Variants in SLC39A12 observed in about 807,000 individuals in gnomAD.
SLC39A12 encodes the protein zinc transporter ZIP12.
Under a neutral mutation model 71.1 loss-of-function variants are expected in SLC39A12, and 63 were observed. The observed-to-expected ratio is 0.89, with a 90% CI of 0.72 to 1.09. The LOEUF (loss-of-function observed/expected upper bound fraction) is 1.09, where lower values mean the gene tolerates loss of function less well. SLC39A12 is among the 50% of genes least tolerant of loss of function. SLC39A12 has a pLI of 0.00. For missense variants in SLC39A12, 892 were observed against 812.6 expected (o/e 1.10, Z -1.19); for synonymous variants, 351 against 301.3 (o/e 1.16, Z -1.71).
rs994604331 is a variant in SLC39A12, at chr10:17,961,427, G to T, written c.262-154G>T. ...CTAGACAGGCATCATTGTTATGCGG[G>T]AGTCCAACTCTCTGAATCTGGCTAT... On this transcript the variant is annotated intron_variant, in intron 2 of 12. Transcript: ENST00000377369. Among the ~76,000 whole-genome samples, 3 of 152,138 alleles carry T rather than the reference G, an allele frequency of 2.0e-5. No individual in the cohort carries two copies. In the East Asian group the frequency reaches 5.8e-4, roughly 29 times the overall value.
Position 17,953,434 on chromosome 10 carries a change from G to T in SLC39A12, c.158G>T (p.Gly53Val). The T allele has an allele frequency of 6.2e-7, 1 of 1,614,134 alleles. No individual in the cohort carries two copies. The highest frequency in any genetic ancestry group is 8.5e-7 in the Non-Finnish European group (1 of 1,180,032). ...PADLLQVLSA[G>V]DHPPHNHSRS... ...GACCTGCTACAGGTTCTCTCTGCTG[G>T]TGACCACCCACCCCACAACCACTCA... The change falls in exon 2 of 13, where the codon GGT becomes GTT. Residue 53 changes from glycine to valine, a missense_variant. Transcript: ENST00000377369.
intron 12 of SLC39A12, among the ~76,000 whole-genome samples, chr10:18,038,064 G>C (rs1027102334): frequency 8.6e-6 from 1 of 116,584 alleles, no homozygotes; most frequent in African/African-American, 3.4e-5. Context: ...ACAGCTAACT[G>C]TATGGCAAGT....
In SLC39A12 at chr10:18,043,112, A is replaced by G. The variant is rs1837305247; in HGVS notation, c.*279A>G. 5.6e-6 allele frequency: 1 copy of G among 179,042 alleles called. No individual in the cohort carries two copies. The highest frequency in any genetic ancestry group is 1.8e-4 in the South Asian group (1 of 5,482). The allele number at this position is 179,042 out of a possible 1,614,324, so 11.1% of individuals were successfully genotyped here. On this transcript the variant is annotated 3_prime_UTR_variant, in exon 13 of 13. Transcript: ENST00000377369. ...AGTAAATTCTGCATGAATTTTAGTA[A>G]ACTTTAAAAAATAGATTTTTTCCCT...
chr10:18,014,139 G>A (rs939519295), intron 12 of SLC39A12, among the ~76,000 whole-genome samples: 1 of 152,024 alleles, frequency 6.6e-6, no homozygotes, highest in South Asian at 2.1e-4. Context: ...TTTCAGCAAT[G>A]TTTTATAGTT....
intron 12 of SLC39A12, among the ~76,000 whole-genome samples, chr10:18,006,674 C>G (rs1033951364): frequency 1.3e-5 from 2 of 152,184 alleles, no homozygotes; most frequent in African/African-American, 4.8e-5. Flanking sequence ...AAATATGCCT[C>G]AGAATAGTTT....
intron 4 of SLC39A12, among the ~76,000 whole-genome samples, chr10:17,967,992 A>G (rs1484996281): frequency 6.6e-6 from 1 of 151,142 alleles, no homozygotes; most frequent in Non-Finnish European, 1.5e-5. Context: ...TAACATAGGT[A>G]TAAACTATGG....
intron 12 of SLC39A12, chr10:18,010,704 T>C (rs1836190669): frequency 6.6e-6 from 1 of 152,200 alleles, no homozygotes; most frequent in Non-Finnish European, 1.5e-5. Context: ...TCCTCGTTCC[T>C]CTTTTCTTCT....
chr10:18,037,509 G>C (rs1183193415), intron 12 of SLC39A12, among the ~76,000 whole-genome samples: 1 of 152,160 alleles, frequency 6.6e-6, no homozygotes, highest in Non-Finnish European at 1.5e-5. Context: ...CAATGTGACT[G>C]TGGGTGAGCT....
chr10:17,970,923 A>G (rs1055625256), intron 4 of SLC39A12, among the ~76,000 whole-genome samples: 1 of 152,012 alleles, frequency 6.6e-6, no homozygotes, highest in Admixed American at 6.6e-5. Context: ...ATTCATTATG[A>G]TACTAGCTCT....
chr10:17,979,646 G>T (rs1036336903), intron 5 of SLC39A12, among the ~76,000 whole-genome samples: 1 of 152,194 alleles, frequency 6.6e-6, no homozygotes, highest in Non-Finnish European at 1.5e-5. Context: ...CACAAGTTTA[G>T]CTTTCTGTGG....
intron 12 of SLC39A12, among the ~76,000 whole-genome samples, chr10:18,026,509 G>GT (rs933154489): frequency 6.6e-6 from 1 of 152,004 alleles, no homozygotes. Flanking sequence ...TAGACGTAGG[G>GT]TTTTTTAAAG....
intron 4 of SLC39A12, among the ~76,000 whole-genome samples, chr10:17,972,772 A>ATT (rs143087696): frequency 2.0e-5 from 3 of 146,948 alleles, no homozygotes; most frequent in African/African-American, 7.5e-5. Context: ...CAATGGTCTT[A>ATT]TTTTTTTTTT....
At position 18,003,165 on chromosome 10, in the gene SLC39A12, C is replaced by T. The variant is rs534073313; in HGVS notation, c.1760-6C>T. Reference sequence around the variant, plus strand: ...AATTATATTTTCCTTTCCTCTTAAACTTCAGGAGACTTTGCCGTGCTCTTA... The same window carrying T: ...AATTATATTTTCCTTTCCTCTTAAATTTCAGGAGACTTTGCCGTGCTCTTA... On this transcript the variant is annotated splice_region_variant and splice_polypyrimidine_tract_variant and intron_variant, in intron 11 of 12. Transcript: ENST00000377369. 1.6e-5 allele frequency: 26 copies of T among 1,610,438 alleles called. 1 individual carries two copies. In the South Asian group the frequency reaches 2.6e-4, roughly 16 times the overall value.
chr10:17,971,258 GCCCCTCCCCTCCCCTCCCCT>G (rs1243209237), intron 4 of SLC39A12, among the ~76,000 whole-genome samples: 10 of 56,572 alleles, frequency 1.8e-4, no homozygotes, highest in East Asian at 4.8e-4. Context: ...ATATTGGCCT[GCCCCTCCCCTCCCCTCCCCT>G]CCCCTCCCCT....
chr10:18,036,771 TATATATATATA>T (rs1837045543), intron 12 of SLC39A12, among the ~76,000 whole-genome samples: 2 of 47,020 alleles, frequency 4.3e-5, no homozygotes, highest in African/African-American at 2.5e-4. Flanking sequence ...TATATATATA[TATATATATATA>T]TATATATATA....
At chr10:18,037,130 C>T (rs1054267688) in intron 12 of SLC39A12, among the ~76,000 whole-genome samples, 2 of 151,878 alleles carry the variant, frequency 1.3e-5, no homozygotes, top group Admixed American at 6.6e-5. Flanking sequence ...ATTTTTTGGA[C>T]CATTTGATTT....
intron 12 of SLC39A12, among the ~76,000 whole-genome samples, chr10:18,030,626 T>G (rs1355784666): frequency 3.0e-4 from 10 of 33,648 alleles, no homozygotes; most frequent in Admixed American, 1.1e-3. Flanking sequence ...ATTTATGTAT[T>G]TATTTATTTA....
intron 8 of SLC39A12, among the ~76,000 whole-genome samples, chr10:17,992,673 G>C (rs569723930): frequency 6.6e-6 from 1 of 152,318 alleles, no homozygotes; most frequent in African/African-American, 2.4e-5. Context: ...GTGGTAATGA[G>C]TGAAAGAAAT....
At chr10:17,961,994 G>T in intron 3 of SLC39A12, 132 bp downstream of exon 3, 1 of 906,860 alleles carries the variant, frequency 1.1e-6, no homozygotes. Context: ...TTTTGGTTAT[G>T]AGATGTTAAA....
Sources: gnomAD v4.1 joint callset for allele counts (sites outside exome capture counted in the v4.1 genomes callset) on GRCh38, gnomAD v4.1.1 for gene constraint, MANE v1.5 for transcripts, NCBI Gene and HGNC (gene_info 2026-07-23, HGNC 2026-07-21) for gene names.